The following COX7B2 variants were observed in gnomAD, a reference collection of about 807,000 sequenced individuals.
COX7B2 encodes the protein cytochrome c oxidase subunit 7B2.
For missense variants in COX7B2, 109 were observed against 95.9 expected (o/e 1.14, Z -0.57); for synonymous variants, 37 against 32.1 (o/e 1.15, Z -0.51).
intron 2 of COX7B2, among the ~76,000 whole-genome samples, chr4:46,812,530 G>A (rs930755215): frequency 1.3e-5 from 2 of 152,138 alleles, no homozygotes; most frequent in Non-Finnish European, 2.9e-5. Flanking sequence ...GGACATAGGA[G>A]TATCCCAGAC....
intron 1 of COX7B2, among the ~76,000 whole-genome samples, chr4:46,851,072 T>G (rs1384214507): frequency 1.3e-5 from 2 of 151,880 alleles, no homozygotes; most frequent in African/African-American, 2.4e-5. Flanking sequence ...AACAAAGGCT[T>G]AGAGAGCAGT....
chr4:46,763,062 TATATTATATAATATATATTAC>T (rs1716300147), intron 2 of COX7B2, among the ~76,000 whole-genome samples: 1 of 133,178 alleles, frequency 7.5e-6, no homozygotes, highest in Non-Finnish European at 1.6e-5. Flanking sequence ...ATATGTAATA[TATATTATATAATATATATTAC>T]ATATTATAAT....
At chr4:46,791,501 C>CT (rs1052548160) in intron 2 of COX7B2, among the ~76,000 whole-genome samples, 55 of 152,266 alleles carry the variant, frequency 3.6e-4, no homozygotes, top group African/African-American at 1.1e-3. Flanking sequence ...ACGTTGAGAG[C>CT]TTCTTCTGGG....
intron 1 of COX7B2, among the ~76,000 whole-genome samples, chr4:46,847,587 G>T (rs1045090126): frequency 3.9e-5 from 6 of 152,036 alleles, no homozygotes; most frequent in African/African-American, 1.4e-4. Flanking sequence ...AAAAAAGTCT[G>T]TTATTTTAAA....
At position 46,858,456 on chromosome 4, in the gene COX7B2, C is replaced by T. The variant is rs77722403; in HGVS notation, c.-104-13442G>A. Among the ~76,000 whole-genome samples the T allele has an allele frequency of 5.7e-4, 86 of 151,934 alleles. 4 individuals are homozygous for T. In the East Asian group the frequency reaches 0.015, roughly 26 times the overall value. ...TGCAAGTAGCATGTTGGTTTCAGGC[C>T]GTTTTTCATTCATGAAAATATTAGT... On this transcript the variant is annotated intron_variant, in intron 1 of 2. Coordinates refer to ENST00000355591, the MANE Select transcript of COX7B2 (RefSeq NM_130902.3).
chr4:46,790,428 T>C (rs1344559449), intron 2 of COX7B2, among the ~76,000 whole-genome samples: 2 of 152,190 alleles, frequency 1.3e-5, no homozygotes, highest in African/African-American at 4.8e-5. Context: ...GAGCAATAAG[T>C]CTGGTCACTT....
intron 2 of COX7B2, among the ~76,000 whole-genome samples, chr4:46,808,428 G>A (rs1719115375): frequency 6.6e-6 from 1 of 151,536 alleles, no homozygotes; most frequent in Admixed American, 6.6e-5. Context: ...TTTTTTTGTG[G>A]AATTCTGGTT....
chr4:46,742,001 T>C (rs1714745365), intron 2 of COX7B2, among the ~76,000 whole-genome samples: 2 of 152,100 alleles, frequency 1.3e-5, no homozygotes, highest in Admixed American at 1.3e-4. Context: ...AAAAGAAGCA[T>C]TTTAGGAAGA....
intron 2 of COX7B2, among the ~76,000 whole-genome samples, chr4:46,803,213 G>A (rs1381407086): frequency 6.6e-6 from 1 of 152,124 alleles, no homozygotes; most frequent in African/African-American, 2.4e-5. Context: ...TTGGCAAAGT[G>A]CCTGAAATCA....
intron 2 of COX7B2, among the ~76,000 whole-genome samples, chr4:46,806,857 T>C (rs192738297): frequency 2.0e-5 from 3 of 152,148 alleles, no homozygotes; most frequent in Admixed American, 6.5e-5. Context: ...GATCTTGCTT[T>C]TTAGGGCTAA....
chr4:46,821,618 C>G (rs181994258), intron 2 of COX7B2, among the ~76,000 whole-genome samples: 158 of 152,226 alleles, frequency 1.0e-3, no homozygotes, highest in African/African-American at 3.6e-3. Flanking sequence ...AATACCTATA[C>G]TACACATGTA....
chr4:46,748,232 G>A (rs1235320410), intron 2 of COX7B2, among the ~76,000 whole-genome samples: 1 of 152,120 alleles, frequency 6.6e-6, no homozygotes, highest in East Asian at 1.9e-4. Flanking sequence ...TACAACAATT[G>A]TCACAAATTA....
At chr4:46,767,096 A>G (rs1025740935) in intron 2 of COX7B2, among the ~76,000 whole-genome samples, 3 of 152,218 alleles carry the variant, frequency 2.0e-5, no homozygotes, top group Non-Finnish European at 4.4e-5. Context: ...AACAGATCCA[A>G]CTCTGTGCTG....
intron 2 of COX7B2, among the ~76,000 whole-genome samples, chr4:46,783,557 C>T (rs533557803): frequency 7.1e-4 from 108 of 152,254 alleles, no homozygotes; most frequent in Non-Finnish European, 1.1e-3. Flanking sequence ...CCTGGCTTTA[C>T]TAAGGAAGGG....
In COX7B2 at chr4:46,823,204, C is replaced by A. The variant is rs1411041434; in HGVS notation, c.-50+21756G>T. 4.0e-5 allele frequency among the ~76,000 whole-genome samples: 6 copies of A among 151,846 alleles called. No homozygotes were observed. In the East Asian group the frequency reaches 7.7e-4, roughly 20 times the overall value. On this transcript the variant is annotated intron_variant, in intron 2 of 2. Transcript: ENST00000355591. The stretch of plus-strand genomic sequence containing the variant: ...CTGGGTGGGAAATAGCCACTATTTC[C>A]AAAATTCCATCCGGATACATCACCA...
At chr4:46,820,850 T>TAGATAGATAGATAG (rs1553889378) in intron 2 of COX7B2, among the ~76,000 whole-genome samples, 1 of 146,258 alleles carries the variant, frequency 6.8e-6, no homozygotes, top group African/African-American at 2.5e-5. Flanking sequence ...TATATATATA[T>TAGATAGATAGATAG]ATAGATAGAT....
chr4:46,743,698 A>T (rs1023303078), intron 2 of COX7B2, among the ~76,000 whole-genome samples: 2 of 152,232 alleles, frequency 1.3e-5, no homozygotes, highest in Non-Finnish European at 2.9e-5. Context: ...CTATTGTGCT[A>T]AACAGTGATT....
At chr4:46,814,214 A>T (rs975912828) in intron 2 of COX7B2, among the ~76,000 whole-genome samples, 2 of 152,184 alleles carry the variant, frequency 1.3e-5, no homozygotes, top group African/African-American at 4.8e-5. Context: ...GTTTTTAAAG[A>T]CTTATTTGCC....
rs138372049 is a variant in COX7B2, at chr4:46,799,437, C to T, written c.-50+45523G>A. ...CGAGGGTGGGCATCCTTGTCTTATT[C>T]CAATTCTCAACAGGAATGATTACAG... On this transcript the variant is annotated intron_variant, in intron 2 of 2. Transcript: ENST00000355591. Among the ~76,000 whole-genome samples, 25 of 152,142 alleles carry T rather than the reference C, an allele frequency of 1.6e-4. 1 individual carries two copies. The highest frequency in any genetic ancestry group is 6.0e-4 in the African/African-American group (25 of 41,530).
Sources: gnomAD v4.1 joint callset for allele counts (sites outside exome capture counted in the v4.1 genomes callset) on GRCh38, gnomAD v4.1.1 for gene constraint, MANE v1.5 for transcripts, NCBI Gene and HGNC (gene_info 2026-07-23, HGNC 2026-07-21) for gene names.